The following SPHKAP variants were observed in gnomAD, a reference collection of about 807,000 sequenced individuals.
The protein encoded by SPHKAP is SPHK1 interactor, AKAP domain containing.
Under a neutral mutation model 137.5 loss-of-function variants are expected in SPHKAP, and 67 were observed. The ratio of observed to expected loss-of-function variants is 0.49; its 90% CI spans 0.40 to 0.60. The LOEUF (loss-of-function observed/expected upper bound fraction) is 0.60, where lower values mean the gene tolerates loss of function less well. SPHKAP is among the 20% of genes least tolerant of loss of function. The probability of loss-of-function intolerance (pLI) is 0.00; values close to 1 mark genes in which losing one functional copy is unlikely to be tolerated. For missense variants in SPHKAP, 2,097 were observed against 2,069.3 expected, an observed-to-expected ratio of 1.01 and a Z score of -0.26; for synonymous variants, 813 against 785.3, an observed-to-expected ratio of 1.04 and a Z score of -0.59.
rs74912109 is a variant in SPHKAP, at chr2:228,023,522, G to A, written c.442-1556C>T. Reference sequence around the variant, plus strand: ...AAGTATCTGTGATCCCCCGAATGGAGAGGAACTGCTGTTGTAGAGTAAGCA... The same window carrying A: ...AAGTATCTGTGATCCCCCGAATGGAAAGGAACTGCTGTTGTAGAGTAAGCA... On this transcript the variant is annotated intron_variant, in intron 5 of 11. Transcript: ENST00000392056. Among the ~76,000 whole-genome samples, 1,158 of 152,340 alleles carry A rather than the reference G, an allele frequency of 7.6e-3. 10 individuals are homozygous for A. The highest frequency in any genetic ancestry group is 0.026 in the African/African-American group (1,064 of 41,570).
intron 2 of SPHKAP, among the ~76,000 whole-genome samples, chr2:228,122,824 T>C (rs1445575842): frequency 2.0e-5 from 3 of 152,142 alleles, no homozygotes; most frequent in Admixed American, 6.5e-5. Flanking sequence ...TGAAATCGCC[T>C]CCAGAGGGAA....
chr2:228,051,501 C>G (rs548411355), intron 3 of SPHKAP, among the ~76,000 whole-genome samples: 2 of 152,100 alleles, frequency 1.3e-5, no homozygotes, highest in Non-Finnish European at 2.9e-5. Context: ...AGAACGTGCT[C>G]TGAGGCTAGA....
rs1202613988 is a variant in SPHKAP at position 228,016,470 on chromosome 2, C to T, written c.4384G>A (p.Asp1462Asn). Reference sequence around the variant, plus strand: ...CTCACCACATCTGGGATGTTTTTGTCATTCGAATGCCCTTCTGCTTCCTCT... The same window carrying T: ...CTCACCACATCTGGGATGTTTTTGTTATTCGAATGCCCTTCTGCTTCCTCT... ...LLEEAEGHSN[D>N]KNIPDVVRGG... The change falls in exon 7 of 12, where the codon GAC (aspartate) becomes AAC (asparagine). Residue 1462 changes from aspartate to asparagine, a missense_variant. Coordinates refer to ENST00000392056, the MANE Select transcript of SPHKAP (RefSeq NM_001142644.2). The T allele has an allele frequency of 1.2e-6, 2 of 1,612,222 alleles. No individual in the cohort carries two copies. The highest frequency in any genetic ancestry group is 1.7e-6 in the Non-Finnish European group (2 of 1,179,390).
chr2:228,000,200 C>T (rs188285173), intron 7 of SPHKAP, among the ~76,000 whole-genome samples: 45 of 152,332 alleles, frequency 3.0e-4, no homozygotes, highest in Admixed American at 2.9e-3. Flanking sequence ...CAACGTTTGG[C>T]CAGGAGCGGT....
chr2:228,169,454 C>A (rs1700516959), intron 1 of SPHKAP, among the ~76,000 whole-genome samples: 1 of 152,018 alleles, frequency 6.6e-6, no homozygotes, highest in Non-Finnish European at 1.5e-5. Flanking sequence ...TATGATAAAT[C>A]TACTCTGCCT....
Position 228,018,669 on chromosome 2 carries a change from G to A in SPHKAP, c.2185C>T (p.Arg729Trp), listed in dbSNP as rs775203246. The A allele has an allele frequency of 8.7e-6, 14 of 1,614,046 alleles. No homozygotes were observed. Among genetic ancestry groups the A allele is most frequent in the Admixed American group, 3.3e-5 (2 of 60,004 alleles). Residue 729 changes from arginine to tryptophan, a missense_variant, in exon 7 of 12, where the codon CGG becomes TGG. Transcript: ENST00000392056. Reference protein sequence around the residue: ...FTFKKMSHIVRLGECPAVLSK... With the variant: ...FTFKKMSHIVWLGECPAVLSK... ...AGGACAGCAGGACATTCACCAAGCC[G>A]TACAATATGACTCATCTTCTTGAAC...
At chr2:228,148,409 T>C (rs923420454) in intron 1 of SPHKAP, among the ~76,000 whole-genome samples, 13 of 152,158 alleles carry the variant, frequency 8.5e-5, no homozygotes, top group African/African-American at 2.9e-4. Context: ...TCATCTAAGA[T>C]AGAAGAAGGT....
At chr2:228,066,880 G>A (rs1045686141) in intron 3 of SPHKAP, among the ~76,000 whole-genome samples, 3 of 152,186 alleles carry the variant, frequency 2.0e-5, no homozygotes, top group Admixed American at 6.5e-5. Context: ...AAATGGAAGG[G>A]TAATACTTCG....
chr2:227,982,051 ATTTTT>A (rs3082640), intron 11 of SPHKAP, 191 bp from the exon 12 acceptor site: 40 of 943,050 alleles, frequency 4.2e-5, no homozygotes, highest in Non-Finnish European at 4.5e-5. Flanking sequence ...CATCAAGTGA[ATTTTT>A]TTTTTTTTTT....
In SPHKAP at chr2:228,140,263, T is replaced by TAAA. The variant is rs35086647; in HGVS notation, c.33-8181_33-8179dup. On this transcript the variant is annotated intron_variant, in intron 1 of 11. Transcript: ENST00000392056. The stretch of plus-strand genomic sequence containing the variant: ...CACCCGGCCTAGAGTTATTTATTTC[T>TAAA]AAAAAAAAAAAAAATGAGGTATATA... Among the ~76,000 whole-genome samples, 1,173 of 144,546 alleles carry TAAA rather than the reference T, an allele frequency of 8.1e-3. 16 individuals carry two copies. The highest frequency in any genetic ancestry group is 0.024 in the African/African-American group (942 of 39,462). 94.8% of individuals were successfully genotyped at this position (144,546 alleles called of 152,430 possible).
intron 5 of SPHKAP, among the ~76,000 whole-genome samples, chr2:228,022,920 A>G (rs985210986): frequency 1.3e-5 from 2 of 152,210 alleles, no homozygotes; most frequent in Admixed American, 1.3e-4. Flanking sequence ...TATAATTTGT[A>G]TTGCTTATCT....
chr2:228,131,887 T>C, intron 2 of SPHKAP, 93 bp downstream of exon 2: 3 of 1,477,126 alleles, frequency 2.0e-6, no homozygotes, highest in Non-Finnish European at 2.8e-6. Flanking sequence ...GTTTTTATTG[T>C]TGTTTCTACT....
At chr2:228,132,120 G>A (rs1167218074) in intron 1 of SPHKAP, 35 bp from the exon 2 acceptor site, 2 of 1,495,704 alleles carry the variant, frequency 1.3e-6, no homozygotes, top group Non-Finnish European at 1.9e-6. Flanking sequence ...ACACATTCCA[G>A]TGAGTCATAT....
intron 5 of SPHKAP, among the ~76,000 whole-genome samples, chr2:228,024,889 C>T (rs1228899789): frequency 6.6e-6 from 1 of 151,928 alleles, no homozygotes; most frequent in Non-Finnish European, 1.5e-5. Context: ...TTTTTAATAA[C>T]GTTTGTTTTG....
intron 3 of SPHKAP, among the ~76,000 whole-genome samples, chr2:228,086,956 C>T (rs141954043): frequency 7.9e-5 from 12 of 152,300 alleles, no homozygotes; most frequent in African/African-American, 2.9e-4. Flanking sequence ...CCAAAAGTAA[C>T]CCTTGCTGAA....
At chr2:228,057,117 C>T (rs1696475882) in intron 3 of SPHKAP, among the ~76,000 whole-genome samples, 1 of 152,136 alleles carries the variant, frequency 6.6e-6, no homozygotes, top group African/African-American at 2.4e-5. Context: ...CTCTTCTATA[C>T]CACGAATGAA....
chr2:228,018,450 G>T lies in SPHKAP; in HGVS notation c.2404C>A (p.Pro802Thr), dbSNP rs746336949. ...YSKQDKGGVR[P>T]GLFKNPTLQS... ...AGCGTGGGGTTCTTGAAGAGGCCTG[G>T]CCTCACTCCACCCTTGTCTTGTTTT... The change falls in exon 7 of 12, where the codon CCA becomes ACA. Residue 802 changes from proline (P) to threonine (T), a missense_variant. By Grantham distance (38) the Pro-to-Thr change is conservative. Coordinates refer to ENST00000392056, the MANE Select transcript of SPHKAP (RefSeq NM_001142644.2). The T allele has an allele frequency of 1.1e-5, 18 of 1,614,120 alleles. No homozygotes were observed. In the South Asian group the frequency reaches 1.8e-4, roughly 16 times the overall value.
At chr2:228,050,387 T>C (rs912283246) in intron 3 of SPHKAP, among the ~76,000 whole-genome samples, 2 of 152,198 alleles carry the variant, frequency 1.3e-5, no homozygotes, top group African/African-American at 4.8e-5. Context: ...CACTTGAATG[T>C]TCACAGCAGC....
intron 2 of SPHKAP, among the ~76,000 whole-genome samples, chr2:228,115,525 C>A (rs138079206): frequency 2.2e-4 from 33 of 152,148 alleles, no homozygotes; most frequent in African/African-American, 7.0e-4. Context: ...ATTTGGAGAG[C>A]AAATTACTTA....
Sources: gnomAD v4.1 joint callset for allele counts (sites outside exome capture counted in the v4.1 genomes callset) on GRCh38, gnomAD v4.1.1 for gene constraint, MANE v1.5 for transcripts, NCBI Gene and HGNC (gene_info 2026-07-23, HGNC 2026-07-21) for gene names.